Variants in FHIT observed in about 807,000 individuals in gnomAD.
FHIT encodes the protein bis(5'-adenosyl)-triphosphatase.
FHIT carries 19 observed loss-of-function variants against 17.9 expected under a neutral mutation model. The ratio of observed to expected loss-of-function variants is 1.06; its 90% CI spans 0.74 to 1.56. FHIT has a LOEUF of 1.56. Ranked by LOEUF, FHIT falls within the 40% of genes most tolerant of loss-of-function variation. The probability of loss-of-function intolerance (pLI) is 0.00; values close to 1 mark genes in which losing one functional copy is unlikely to be tolerated. For synonymous variants in FHIT, 81 were observed against 69.7 expected, an observed-to-expected ratio of 1.16 and a Z score of -0.81; for missense variants, 248 against 189.2, an observed-to-expected ratio of 1.31 and a Z score of -1.82.
At chr3:60,965,595 G>C (rs891419760) in intron 3 of FHIT, among the ~76,000 whole-genome samples, 4 of 152,140 alleles carry the variant, frequency 2.6e-5, no homozygotes, top group African/African-American at 9.7e-5. Context: ...CTTTGATGAT[G>C]GTGACGTACA....
intron 4 of FHIT, among the ~76,000 whole-genome samples, chr3:60,663,513 G>A (rs1287827566): frequency 5.3e-5 from 8 of 151,958 alleles, no homozygotes; most frequent in Non-Finnish European, 7.4e-5. Context: ...TCGGCTCACT[G>A]CAACCTCCAT....
chr3:59,944,840 C>G (rs548263774), intron 7 of FHIT, among the ~76,000 whole-genome samples: 22 of 152,292 alleles, frequency 1.4e-4, no homozygotes, highest in African/African-American at 5.3e-4. Context: ...ATAAATGTTG[C>G]TGCAGAGGAC....
At chr3:60,898,267 T>C (rs1705932959) in intron 3 of FHIT, among the ~76,000 whole-genome samples, 1 of 152,162 alleles carries the variant, frequency 6.6e-6, no homozygotes, top group Non-Finnish European at 1.5e-5. Context: ...TTGAACCAAA[T>C]ATTGTGCTCT....
Position 60,536,995 on chromosome 3 carries a change from AT to A in FHIT, c.-17-17del. The A allele has an allele frequency of 6.3e-7, 1 of 1,584,096 alleles. No individual in the cohort carries two copies. The highest frequency in any genetic ancestry group is 8.6e-7 in the Non-Finnish European group (1 of 1,169,480). ...CAGTTGAAGTCTAAAAGAAAAGACAATGGATAGTTATAAAATTCAATTAAGA... is the reference window on the plus strand; with the variant it reads ...CAGTTGAAGTCTAAAAGAAAAGACAAGGATAGTTATAAAATTCAATTAAGA... On this transcript the variant is annotated splice_polypyrimidine_tract_variant and intron_variant, in intron 4 of 9. Coordinates refer to ENST00000492590, the MANE Select transcript of FHIT (RefSeq NM_002012.4).
chr3:59,981,298 A>G (rs778921668), intron 7 of FHIT, among the ~76,000 whole-genome samples: 1 of 152,136 alleles, frequency 6.6e-6, no homozygotes, highest in African/African-American at 2.4e-5. Context: ...ATGCCCCTGT[A>G]TGAGGAAGAA....
chr3:60,765,413 G>A (rs1699816204), intron 4 of FHIT: 1 of 152,080 alleles, frequency 6.6e-6, no homozygotes, highest in African/African-American at 2.4e-5. Context: ...AAAACAGAAA[G>A]ACACATTTCA....
chr3:60,196,617 G>C (rs1168525106), intron 5 of FHIT, among the ~76,000 whole-genome samples: 5 of 152,044 alleles, frequency 3.3e-5, no homozygotes, highest in Non-Finnish European at 5.9e-5. Flanking sequence ...ACCTACCAAA[G>C]TGGGTTAGGG....
At chr3:60,043,574 G>C (rs1404085447) in intron 5 of FHIT, among the ~76,000 whole-genome samples, 3 of 152,154 alleles carry the variant, frequency 2.0e-5, no homozygotes, top group Admixed American at 2.0e-4. Flanking sequence ...ATGCTCTTGA[G>C]CCTTACACAA....
chr3:60,748,413 T>A (rs2042400523), intron 4 of FHIT, among the ~76,000 whole-genome samples: 1 of 152,154 alleles, frequency 6.6e-6, no homozygotes, highest in African/African-American at 2.4e-5. Context: ...CATGGGGAAT[T>A]GGTTCCAGGA....
chr3:60,043,186 C>A (rs547843510), intron 5 of FHIT, among the ~76,000 whole-genome samples: 3 of 152,230 alleles, frequency 2.0e-5, no homozygotes, highest in East Asian at 1.9e-4. Flanking sequence ...CAGCACCCAA[C>A]TCATCAACCC....
chr3:60,940,209 T>C (rs1378753934), intron 3 of FHIT, among the ~76,000 whole-genome samples: 1 of 152,146 alleles, frequency 6.6e-6, no homozygotes, highest in Admixed American at 6.5e-5. Context: ...AAATAAATAT[T>C]GGTTTTAAAA....
At chr3:60,541,804 G>T (rs1320659152) in intron 4 of FHIT, among the ~76,000 whole-genome samples, 2 of 152,188 alleles carry the variant, frequency 1.3e-5, no homozygotes, top group African/African-American at 4.8e-5. Context: ...TGAGCACATG[G>T]ATCTAACATT....
chr3:60,836,450 T>C (rs1192429235), intron 3 of FHIT, among the ~76,000 whole-genome samples: 1 of 152,210 alleles, frequency 6.6e-6, no homozygotes, highest in Non-Finnish European at 1.5e-5. Context: ...CAATTTTTAA[T>C]AGTTATGGGC....
At chr3:61,099,828 G>C (rs1446397382) in intron 2 of FHIT, among the ~76,000 whole-genome samples, 4 of 151,900 alleles carry the variant, frequency 2.6e-5, no homozygotes, top group East Asian at 1.9e-4. Context: ...AGTCTAGCTA[G>C]TGGTCTATTT....
intron 3 of FHIT, among the ~76,000 whole-genome samples, chr3:60,968,932 T>C (rs977694548): frequency 6.6e-6 from 1 of 152,178 alleles, no homozygotes; most frequent in Non-Finnish European, 1.5e-5. Context: ...TTGATAATGA[T>C]ATATTATTCT....
chr3:60,028,079 A>G (rs1700829640), intron 5 of FHIT, among the ~76,000 whole-genome samples: 1 of 152,188 alleles, frequency 6.6e-6, no homozygotes, highest in Non-Finnish European at 1.5e-5. Flanking sequence ...GAGAGGCCAC[A>G]AATTTATGGT....
rs1428264113 is a variant in FHIT, at chr3:61,243,456, A to G, written c.-213+7845T>C. Among the ~76,000 whole-genome samples the G allele has an allele frequency of 3.9e-5, 6 of 152,226 alleles. No homozygotes were observed. The South Asian group carries it at 1.2e-3, about 32-fold the overall frequency. ...CAAGAAAATTAAAGGTATGTAATCAAATTAGCTTAATTATTCTTCTGCTTT... is the reference window on the plus strand; with the variant it reads ...CAAGAAAATTAAAGGTATGTAATCAGATTAGCTTAATTATTCTTCTGCTTT... On this transcript the variant is annotated intron_variant, in intron 1 of 9. Coordinates refer to ENST00000492590, the MANE Select transcript of FHIT (RefSeq NM_002012.4).
chr3:60,719,772 T>A (rs2041768202), intron 4 of FHIT, among the ~76,000 whole-genome samples: 1 of 152,184 alleles, frequency 6.6e-6, no homozygotes. Context: ...AATAGTAAAC[T>A]TGGAGATGGC....
chr3:61,207,413 C>A (rs1263353110), intron 1 of FHIT, among the ~76,000 whole-genome samples: 2 of 152,170 alleles, frequency 1.3e-5, no homozygotes, highest in African/African-American at 4.8e-5. Context: ...CCTCCTTGTA[C>A]CTCTGGTAGA....
Sources: allele counts gnomAD v4.1 joint callset (sites outside exome capture counted in the v4.1 genomes callset), GRCh38; gene constraint gnomAD v4.1.1; transcripts MANE v1.5; gene names NCBI Gene and HGNC (gene_info 2026-07-23, HGNC 2026-07-21).